The following PPP1R3F variants were observed in gnomAD, a reference collection of about 807,000 sequenced individuals.
PPP1R3F encodes protein phosphatase 1 regulatory subunit 3F.
A neutral mutation model predicts 24.2 loss-of-function variants in PPP1R3F; 29 were observed. The ratio of observed to expected loss-of-function variants is 1.20; its 90% CI spans 0.89 to 1.63. The LOEUF is 1.63. PPP1R3F is among the 40% of genes most tolerant of loss of function. PPP1R3F has a pLI of 0.00. For synonymous variants in PPP1R3F, 363 were observed against 340.1 expected, an observed-to-expected ratio of 1.07 and a Z score of -0.74; for missense variants, 823 against 729.3, an observed-to-expected ratio of 1.13 and a Z score of -1.48.
rs2066277260 is a variant in PPP1R3F, at chrX:49,285,734, G to A, written c.1144-100G>A. The A allele has an allele frequency of 7.7e-6, 7 of 905,515 alleles. No individual in the cohort carries two copies. In the South Asian group the frequency reaches 2.9e-4, roughly 37 times the overall value. The allele number at this position is 905,515 out of a possible 1,213,427, so 74.6% of individuals were successfully genotyped here. A position where few individuals can be genotyped will look rare whatever the true frequency, so the allele number is the denominator to read the frequency against. On this transcript the variant is annotated intron_variant, in intron 3 of 3. Transcript: ENST00000055335. The stretch of plus-strand genomic sequence containing the variant: ...TATAGAAACCCCTGTGGGGCTGGCT[G>A]TGGGCTGTCACACTTCTTACTGTCT...
Position 49,287,235 on chromosome X carries a change from G to A in PPP1R3F, c.*145G>A, listed in dbSNP as rs960543750. The A allele has an allele frequency of 1.8e-6, 1 of 565,132 alleles. No homozygotes were observed. Among genetic ancestry groups the A allele is most frequent in the Non-Finnish European group, 2.8e-6 (1 of 362,357 alleles). The allele number at this position is 565,132 out of a possible 1,213,427, so 46.6% of individuals were successfully genotyped here. A position where few individuals can be genotyped will look rare whatever the true frequency, so the allele number is the denominator to read the frequency against. On this transcript the variant is annotated 3_prime_UTR_variant, in exon 4 of 4. Coordinates refer to ENST00000055335, the MANE Select transcript of PPP1R3F (RefSeq NM_033215.5). ...CTCTCCAGTCAACACAGGGCTCCCT[G>A]TGGTGACACCAGTGGAGATGAGGGA...
chrX:49,287,174 A>C lies in PPP1R3F; in HGVS notation c.*84A>C, dbSNP rs996460083. ...GGACCTGGGTCCTTTGCTTCTGAGA[A>C]TGCTCAACTGAAAGAGAGGCCTTCT... On this transcript the variant is annotated 3_prime_UTR_variant, in exon 4 of 4. Coordinates refer to ENST00000055335, the MANE Select transcript of PPP1R3F (RefSeq NM_033215.5). 6.1e-6 allele frequency: 6 copies of C among 990,118 alleles called. No homozygotes were observed. The Admixed American group carries it at 1.6e-4, about 26-fold the overall frequency. 81.6% of individuals were successfully genotyped at this position (990,118 alleles called of 1,213,427 possible). A position where few individuals can be genotyped will look rare whatever the true frequency, so the allele number is the denominator to read the frequency against.
intron 1 of PPP1R3F, chrX:49,273,501 C>T (rs782621082): frequency 1.8e-5 from 2 of 112,353 alleles, no homozygotes; most frequent in East Asian, 2.8e-4. Context: ...GCTTCTTTAT[C>T]TTTCGATCTC....
chrX:49,271,063 A>G (rs899730054), intron 1 of PPP1R3F, among the ~76,000 whole-genome samples, 190 bp downstream of exon 1: 1 of 112,329 alleles, frequency 8.9e-6, no homozygotes, highest in Admixed American at 9.4e-5. Flanking sequence ...TTATTCCTCC[A>G]TTTATTGAGT....
downstream of PPP1R3F, among the ~76,000 whole-genome samples, chrX:49,291,681 T>A (rs1183246565): frequency 9.1e-6 from 1 of 110,428 alleles, no homozygotes; most frequent in Non-Finnish European, 1.9e-5. Flanking sequence ...ACTCTATTTT[T>A]ATCACCCATT....
rs1369223809 is a variant in PPP1R3F, at chrX:49,270,345, GC to G, written c.478del (p.Arg160AlafsTer12). Reference sequence around the variant, plus strand: ...GGTGCCGGGGTGTGGGTGCCTGGGGGCCGCCCGCCGGTGCTGCGCGGGTTGG... The same window carrying G: ...GGTGCCGGGGTGTGGGTGCCTGGGGGCGCCCGCCGGTGCTGCGCGGGTTGG... ...PGGAGVWVPG[G>X]RPPVLRGLVR... On this transcript the variant is annotated frameshift_variant, in exon 1 of 4. Coordinates refer to ENST00000055335, the MANE Select transcript of PPP1R3F (RefSeq NM_033215.5). LOFTEE classifies it high-confidence loss of function. 1 of 1,138,410 alleles carries G rather than the reference GC, an allele frequency of 8.8e-7. No individual in the cohort carries two copies. The highest frequency in any genetic ancestry group is 1.2e-6 in the Non-Finnish European group (1 of 865,374). 93.8% of individuals were successfully genotyped at this position (1,138,410 alleles called of 1,213,427 possible).
chrX:49,270,297 C>A lies in PPP1R3F; in HGVS notation c.428C>A (p.Pro143Gln). The A allele has an allele frequency of 2.7e-6, 3 of 1,102,067 alleles. No individual in the cohort carries two copies. The highest frequency in any genetic ancestry group is 3.5e-6 in the Non-Finnish European group (3 of 850,196). The allele number at this position is 1,102,067 out of a possible 1,213,427, so 90.8% of individuals were successfully genotyped here. Residue 143 changes from proline to glutamine, a missense_variant, in exon 1 of 4, where the codon CCG (proline) becomes CAG (glutamine). Physicochemically the swap from Pro to Gln is moderately conservative, Grantham distance 76. Transcript: ENST00000055335. ...ATGGTGGAGCTGGAGGCGCTGCTGC[C>A]GCCTCCCGGAGCGGTCCCCGGGGGT... ...RVMVELEALLPPPGAVPGGAG... is the reference protein window; with the variant it reads ...RVMVELEALLQPPGAVPGGAG...
At chrX:49,271,370 G>C (rs1387924357) in intron 1 of PPP1R3F, among the ~76,000 whole-genome samples, 2 of 112,115 alleles carry the variant, frequency 1.8e-5, no homozygotes, top group Non-Finnish European at 3.8e-5. Context: ...GGACTTTTCT[G>C]AGGAGGTTTC....
At chrX:49,282,443 C>CTGTG (rs545507997) in intron 3 of PPP1R3F, among the ~76,000 whole-genome samples, 1,415 of 73,913 alleles carry the variant, frequency 0.019, 43 homozygotes, top group African/African-American at 0.063. Flanking sequence ...GTGAGAGACT[C>CTGTG]TGTGTGTGTG....
At chrX:49,271,894 GC>G (rs1214074381) in intron 1 of PPP1R3F, among the ~76,000 whole-genome samples, 1 of 111,870 alleles carries the variant, frequency 8.9e-6, no homozygotes, top group Non-Finnish European at 1.9e-5. Flanking sequence ...ACCCCAGGGG[GC>G]CCCAGAAGAT....
At position 49,286,269 on chromosome X, in the gene PPP1R3F, G is replaced by A; in HGVS notation, c.1579G>A (p.Gly527Ser). Residue 527 changes from glycine to serine, a missense_variant, in exon 4 of 4, where the codon GGC becomes AGC. Gly to Ser is a moderately conservative substitution (Grantham distance 56). Coordinates refer to ENST00000055335, the MANE Select transcript of PPP1R3F (RefSeq NM_033215.5). The part of the protein sequence containing the change: ...DGGMSPSHPL[G>S]ILTDRDLILK... ...AGGGATGTCCCCCAGCCATCCCCTGGGCATACTGACGGACCGCGACCTGAT... is the reference window on the plus strand; with the variant it reads ...AGGGATGTCCCCCAGCCATCCCCTGAGCATACTGACGGACCGCGACCTGAT... The A allele has an allele frequency of 8.3e-7, 1 of 1,209,889 alleles. No homozygotes were observed. The highest frequency in any genetic ancestry group is 1.1e-6 in the Non-Finnish European group (1 of 895,019).
intron 1 of PPP1R3F, among the ~76,000 whole-genome samples, chrX:49,278,102 T>G (rs1178740776): frequency 1.8e-5 from 2 of 111,422 alleles, no homozygotes; most frequent in African/African-American, 6.7e-5. Flanking sequence ...TGTGTATTTG[T>G]TTTTCTTTCT....
rs975120186 is a variant in PPP1R3F at position 49,271,972 on chromosome X, C to T, written c.1004+1099C>T. 4.4e-5 allele frequency among the ~76,000 whole-genome samples: 5 copies of T among 112,383 alleles called. No homozygotes were observed. The East Asian group carries it at 8.3e-4, about 19-fold the overall frequency. On this transcript the variant is annotated intron_variant, in intron 1 of 3. Coordinates refer to ENST00000055335, the MANE Select transcript of PPP1R3F (RefSeq NM_033215.5). ...CAGCAGCTAGTCCTGATTCTTTTTG[C>T]GGTCACCTAAGTCTGGCCCAGGATC...
In PPP1R3F at chrX:49,286,122, C is replaced by A; in HGVS notation, c.1432C>A (p.Leu478Met). The A allele has an allele frequency of 8.5e-7, 1 of 1,172,986 alleles. No homozygotes were observed. The highest frequency in any genetic ancestry group is 1.1e-6 in the Non-Finnish European group (1 of 873,702). The change falls in exon 4 of 4, where the codon CTG becomes ATG. Residue 478 changes from leucine (L) to methionine (M), a missense_variant. Physicochemically the swap from Leu to Met is conservative, Grantham distance 15. Coordinates refer to ENST00000055335, the MANE Select transcript of PPP1R3F (RefSeq NM_033215.5). ...GLEAVSGSEELLGEDTIDQEL... is the reference protein window; with the variant it reads ...GLEAVSGSEEMLGEDTIDQEL... ...GGAGGCTGTGAGTGGGTCAGAGGAG[C>A]TGCTCGGTGAGGACACCATCGACCA...
Position 49,270,834 on chromosome X carries a change from C to T in PPP1R3F, c.965C>T (p.Ala322Val). 2.5e-6 allele frequency: 3 copies of T among 1,187,815 alleles called. No individual in the cohort carries two copies. Among genetic ancestry groups the T allele is most frequent in the Non-Finnish European group, 3.4e-6 (3 of 883,536 alleles). Residue 322 changes from alanine (A) to valine (V), a missense_variant, in exon 1 of 4, where the codon GCC becomes GTC. Coordinates refer to ENST00000055335, the MANE Select transcript of PPP1R3F (RefSeq NM_033215.5). ...PECQGPVEAE[A>V]RQLKSCMKPV... Reference sequence around the variant, plus strand: ...TGCCAGGGTCCCGTGGAGGCTGAGGCCAGGCAGCTGAAGAGCTGCATGAAG... The same window carrying T: ...TGCCAGGGTCCCGTGGAGGCTGAGGTCAGGCAGCTGAAGAGCTGCATGAAG...
intron 3 of PPP1R3F, among the ~76,000 whole-genome samples, chrX:49,283,933 AAC>A (rs1186251936): frequency 1.8e-5 from 2 of 111,599 alleles, no homozygotes; most frequent in African/African-American, 6.5e-5. Flanking sequence ...TCTAAAGAAA[AAC>A]TGTCCCACAC....
chrX:49,273,114 A>G (rs1322248348), intron 1 of PPP1R3F: 2 of 107,284 alleles, frequency 1.9e-5, no homozygotes, highest in Non-Finnish European at 3.8e-5. Context: ...GGATTTGTAC[A>G]TATGTATGCA....
Position 49,286,962 on chromosome X carries a change from C to T in PPP1R3F, c.2272C>T (p.Gln758Ter). The change falls in exon 4 of 4, where the codon CAG (glutamine) becomes TAG (stop). Residue 758 changes from glutamine (Q) to a stop codon, truncating the protein, a stop_gained. Transcript: ENST00000055335. LOFTEE classifies it high-confidence loss of function. ...PAECVCALPP[Q>*]LRGPLTQTLG... ...AGAATGTGTGTGTGCACTGCCTCCT[C>T]AGCTCCGGGGGCCCTTGACCCAGAC... The T allele has an allele frequency of 8.3e-7, 1 of 1,211,095 alleles. No homozygotes were observed. Among genetic ancestry groups the T allele is most frequent in the East Asian group, 3.0e-5 (1 of 33,854 alleles).
intron 1 of PPP1R3F, among the ~76,000 whole-genome samples, chrX:49,272,268 G>A (rs781989367): frequency 6.3e-5 from 7 of 111,756 alleles, no homozygotes; most frequent in South Asian, 7.5e-4. Flanking sequence ...ACCATAATCT[G>A]AGACTTCATT....
Sources: allele counts gnomAD v4.1 joint callset (sites outside exome capture counted in the v4.1 genomes callset), GRCh38; gene constraint gnomAD v4.1.1; transcripts MANE v1.5; gene names NCBI Gene and HGNC (gene_info 2026-07-23, HGNC 2026-07-21).